FARS2: variants seen among roughly 807,000 people sequenced by gnomAD.
FARS2 encodes phenylalanine--tRNA ligase, mitochondrial.
In FARS2, 40 loss-of-function variants were observed where a neutral mutation model predicts 46.4. That is an observed-to-expected ratio of 0.86 (90% CI 0.67 to 1.12). The LOEUF (loss-of-function observed/expected upper bound fraction) is 1.12. Among genes scored for constraint, FARS2 ranks in the 50% most tolerant of loss-of-function variants. The pLI, the probability that FARS2 is intolerant of heterozygous loss-of-function variation, is 0.00. For missense variants in FARS2, 513 were observed against 567.9 expected (o/e 0.90, Z 0.98); for synonymous variants, 234 against 214.9 (o/e 1.09, Z -0.78).
chr6:5,765,225 T>C lies in FARS2; in HGVS notation c.1218-6066T>C, dbSNP rs1329180118. 6.6e-6 allele frequency among the ~76,000 whole-genome samples: 1 copy of C among 152,212 alleles called. No individual in the cohort carries two copies. The highest frequency in any genetic ancestry group is 2.4e-5 in the African/African-American group (1 of 41,450). On this transcript the variant is annotated intron_variant, in intron 6 of 6. Transcript: ENST00000274680. This position sits in a 1 kb window ranked among gnomAD's most constrained non-coding sequence, Gnocchi z 4.0. Reference sequence around the variant, plus strand: ...TGCCCCTCTGGCCCTGGCTCTCGGCTTCCACACAAGCAGCTACTCTTGTAC... The same window carrying C: ...TGCCCCTCTGGCCCTGGCTCTCGGCCTCCACACAAGCAGCTACTCTTGTAC...
At chr6:5,654,691 T>C (rs1482203975) in intron 6 of FARS2, among the ~76,000 whole-genome samples, 2 of 152,144 alleles carry the variant, frequency 1.3e-5, no homozygotes, top group African/African-American at 2.4e-5. Context: ...GACCCCTCGG[T>C]GGGAGGTTTC....
intron 5 of FARS2, among the ~76,000 whole-genome samples, chr6:5,572,106 A>G (rs957993205): frequency 6.6e-6 from 1 of 152,196 alleles, no homozygotes; most frequent in Non-Finnish European, 1.5e-5. Flanking sequence ...TTGCATTGCT[A>G]TAAAGAAATA....
At chr6:5,699,506 G>A (rs1160089658) in intron 6 of FARS2, among the ~76,000 whole-genome samples, 1 of 150,906 alleles carries the variant, frequency 6.6e-6, no homozygotes, top group Non-Finnish European at 1.5e-5. Context: ...CAGGATCACA[G>A]GAGATTTTTT....
At chr6:5,693,722 G>A (rs1239458385) in intron 6 of FARS2, among the ~76,000 whole-genome samples, 8 of 152,198 alleles carry the variant, frequency 5.3e-5, no homozygotes, top group Non-Finnish European at 1.0e-4. Flanking sequence ...GCTAGGCTGG[G>A]ATGAGGCATC....
intron 6 of FARS2, among the ~76,000 whole-genome samples, chr6:5,671,770 C>G (rs1431666130): frequency 1.3e-5 from 2 of 152,170 alleles, no homozygotes; most frequent in East Asian, 1.9e-4. Context: ...AGCTGGATGG[C>G]TTGCTCTACC....
At chr6:5,526,516 A>G (rs558862322) in intron 4 of FARS2, among the ~76,000 whole-genome samples, 19 of 152,366 alleles carry the variant, frequency 1.2e-4, no homozygotes, top group African/African-American at 4.3e-4. Context: ...TAACAGTGTG[A>G]CAAGAAATAG....
At chr6:5,644,748 T>C (rs1217268860) in intron 6 of FARS2, among the ~76,000 whole-genome samples, 1 of 152,236 alleles carries the variant, frequency 6.6e-6, no homozygotes, top group African/African-American at 2.4e-5. Flanking sequence ...GCTTACTTAT[T>C]GTGCCATGTT....
At position 5,771,418 on chromosome 6, in the gene FARS2, G is replaced by C. The variant is rs535897485; in HGVS notation, c.1345G>C (p.Gly449Arg). ...TGCAGTCCAGCTGTTGGGTGTGGAG[G>C]GCAGGTTCTGATGTCACCACTTCAC... is the stretch of plus-strand genomic sequence containing the variant. ...EAAVQLLGVE[G>R]RF is the part of the protein sequence containing the mutation. The change falls in exon 7 of 7, where the codon GGC becomes CGC. Residue 449 changes from glycine to arginine, a missense_variant. Coordinates refer to ENST00000274680, the MANE Select transcript of FARS2 (RefSeq NM_006567.5). 5 of 1,613,878 alleles carry C rather than the reference G, an allele frequency of 3.1e-6. No homozygotes were observed. Among genetic ancestry groups the C allele is most frequent in the Non-Finnish European group, 4.2e-6 (5 of 1,179,916 alleles).
intron 1 of FARS2, among the ~76,000 whole-genome samples, chr6:5,264,939 T>C (rs1248156652): frequency 6.6e-6 from 1 of 151,582 alleles, no homozygotes; most frequent in Non-Finnish European, 1.5e-5. Flanking sequence ...GCCTATAGGC[T>C]CATGCCACCA....
chr6:5,711,959 A>C (rs1759200388), intron 6 of FARS2, among the ~76,000 whole-genome samples: 1 of 152,230 alleles, frequency 6.6e-6, no homozygotes, highest in South Asian at 2.1e-4. Flanking sequence ...AGTGGGGGAA[A>C]TATGGGGACT....
chr6:5,365,769 A>T (rs1159841739), intron 1 of FARS2, among the ~76,000 whole-genome samples: 10 of 152,148 alleles, frequency 6.6e-5, no homozygotes, highest in Admixed American at 5.9e-4. Context: ...GGCTTTACTG[A>T]TAACATAAAC....
At chr6:5,568,137 T>A (rs1772425586) in intron 5 of FARS2, among the ~76,000 whole-genome samples, 1 of 152,166 alleles carries the variant, frequency 6.6e-6, no homozygotes, top group Non-Finnish European at 1.5e-5. Context: ...CTTCCCCCTT[T>A]CTGTCTGTGT....
chr6:5,391,083 A>C (rs1581965171), intron 2 of FARS2, among the ~76,000 whole-genome samples: 1 of 152,208 alleles, frequency 6.6e-6, no homozygotes, highest in African/African-American at 2.4e-5. Context: ...GTGTGGAGCT[A>C]TTGCAGCTCA....
intron 5 of FARS2, chr6:5,609,159 T>C (rs1775021150): frequency 1.2e-6 from 1 of 805,084 alleles, no homozygotes; most frequent in African/African-American, 1.7e-5. Flanking sequence ...AGTTCACAAA[T>C]CCGTTGTAAC....
chr6:5,759,333 C>T (rs568695322), intron 6 of FARS2, among the ~76,000 whole-genome samples: 3 of 152,278 alleles, frequency 2.0e-5, no homozygotes, highest in African/African-American at 7.2e-5. Context: ...CACCATGTAC[C>T]TTCCCTCCAT....
rs5873976 is a variant in FARS2, at chr6:5,383,760, CT to C, written c.612+14592del. Among the ~76,000 whole-genome samples the C allele has an allele frequency of 5.6e-3, 812 of 145,068 alleles. 3 individuals carry two copies. Among genetic ancestry groups the C allele is most frequent in the African/African-American group, 0.015 (591 of 39,234 alleles). On this transcript the variant is annotated intron_variant, in intron 2 of 6. Coordinates refer to ENST00000274680, the MANE Select transcript of FARS2 (RefSeq NM_006567.5). ...GGTTGTCCTTTTTAGTTCTGATCTACTTTTTTTTTTTTTTAAAGCCTTTGCT... is the reference window on the plus strand; with the variant it reads ...GGTTGTCCTTTTTAGTTCTGATCTACTTTTTTTTTTTTTAAAGCCTTTGCT...
chr6:5,477,907 C>G (rs1024697269), intron 4 of FARS2, among the ~76,000 whole-genome samples: 2 of 152,060 alleles, frequency 1.3e-5, no homozygotes, highest in Non-Finnish European at 2.9e-5. Flanking sequence ...GTAGTCCCAG[C>G]TACTTGTGAG....
Position 5,764,077 on chromosome 6 carries a change from A to G in FARS2, c.1218-7214A>G, listed in dbSNP as rs1412528591. On this transcript the variant is annotated intron_variant, in intron 6 of 6. Coordinates refer to ENST00000274680, the MANE Select transcript of FARS2 (RefSeq NM_006567.5). This position sits in a 1 kb window ranked among gnomAD's most constrained non-coding sequence, Gnocchi z 4.1. ...AGGAAGATGGGGCGGATGCGTAGGT[A>G]TGGAGCGCCTACTCTGGGTGGCTGG... Among the ~76,000 whole-genome samples the G allele has an allele frequency of 6.6e-6, 1 of 152,170 alleles. No individual in the cohort carries two copies. Among genetic ancestry groups the G allele is most frequent in the African/African-American group, 2.4e-5 (1 of 41,454 alleles).
At chr6:5,292,797 ATGAGACCAAAAAAG>A (rs894495591) in intron 1 of FARS2, among the ~76,000 whole-genome samples, 5 of 152,180 alleles carry the variant, frequency 3.3e-5, no homozygotes, top group African/African-American at 1.2e-4. Context: ...TTGTAGGTAG[ATGAGACCAAAAAAG>A]GATATGTAGT....
Sources: gnomAD v4.1 joint callset for allele counts (sites outside exome capture counted in the v4.1 genomes callset) on GRCh38, gnomAD v4.1.1 for gene constraint, Gnocchi (gnomAD v3.1) non-coding constraint, MANE v1.5 for transcripts, NCBI Gene and HGNC (gene_info 2026-07-23, HGNC 2026-07-21) for gene names.